Variants in NRXN3 observed in about 807,000 individuals in gnomAD.
The protein encoded by NRXN3 is neurexin III.
NRXN3 carries 32 observed loss-of-function variants against 137.6 expected under a neutral mutation model. The ratio of observed to expected loss-of-function variants is 0.23; its 90% CI spans 0.18 to 0.31. The LOEUF (loss-of-function observed/expected upper bound fraction) is 0.31. Ranked by LOEUF, NRXN3 falls within the 10% of genes least tolerant of loss-of-function variation. The pLI is 1.00. For missense variants in NRXN3, 1,574 were observed against 2,062.5 expected (o/e 0.76, Z 4.59); for synonymous variants, 798 against 784.5 (o/e 1.02, Z -0.29).
chr14:78,385,290 AACACAC>A (rs34246142), intron 4 of NRXN3, among the ~76,000 whole-genome samples: 35,877 of 147,222 alleles, frequency 0.24, 5,255 homozygotes, highest in Admixed American at 0.34. Context: ...AACTTTAAGC[AACACAC>A]ACACACACAC....
intron 6 of NRXN3, among the ~76,000 whole-genome samples, chr14:78,677,449 A>G (rs1344156766): frequency 6.6e-6 from 1 of 151,674 alleles, no homozygotes; most frequent in Non-Finnish European, 1.5e-5. Flanking sequence ...CCCTGGAAGG[A>G]GAGCTTAGGA....
chr14:78,684,383 C>T lies in NRXN3; in HGVS notation c.1222-24834C>T, dbSNP rs146514184. Among the ~76,000 whole-genome samples the T allele has an allele frequency of 7.9e-3, 1,209 of 152,270 alleles. 18 individuals carry two copies. Among genetic ancestry groups the T allele is most frequent in the African/African-American group, 0.027 (1,138 of 41,540 alleles). On this transcript the variant is annotated intron_variant, in intron 6 of 20. Coordinates refer to ENST00000335750, the MANE Select transcript of NRXN3 (RefSeq NM_001330195.2). ...GCTTTTAAACTACTCCTAAATTAGA[C>T]GCTTGAAAGCTCCAAAGCCAGGATT...
chr14:78,245,541 G>T (rs986405597), intron 2 of NRXN3, among the ~76,000 whole-genome samples: 4 of 152,142 alleles, frequency 2.6e-5, no homozygotes, highest in Non-Finnish European at 5.9e-5. Context: ...AAAGACTGCA[G>T]GTGTTCCTTA....
At chr14:78,374,446 T>G (rs978730612) in intron 4 of NRXN3, among the ~76,000 whole-genome samples, 3 of 152,214 alleles carry the variant, frequency 2.0e-5, no homozygotes, top group African/African-American at 7.2e-5. Context: ...ATATGTCATA[T>G]GACGGTTTAT....
intron 16 of NRXN3, among the ~76,000 whole-genome samples, chr14:79,614,892 T>C (rs2098139188): frequency 6.6e-6 from 1 of 152,198 alleles, no homozygotes; most frequent in Admixed American, 6.5e-5. Flanking sequence ...TATTGAAATA[T>C]TGTATCCACT....
intron 16 of NRXN3, among the ~76,000 whole-genome samples, chr14:79,605,782 G>T (rs759239934): frequency 6.6e-6 from 1 of 152,092 alleles, no homozygotes; most frequent in Non-Finnish European, 1.5e-5. Flanking sequence ...GAACCACTGC[G>T]CCTGGCCGAT....
chr14:79,279,601 T>TGC, intron 15 of NRXN3: 1 of 987,174 alleles, frequency 1.0e-6, no homozygotes, highest in Non-Finnish European at 1.2e-6. Context: ...TTCCTCTGGC[T>TGC]GCGGTGGCTG....
intron 8 of NRXN3, among the ~76,000 whole-genome samples, chr14:78,788,491 C>T (rs1178410193): frequency 6.6e-6 from 1 of 152,096 alleles, no homozygotes; most frequent in South Asian, 2.1e-4. Flanking sequence ...GTGAAAAATA[C>T]TCATGGAAGA....
At chr14:78,460,214 C>T (rs569523328) in intron 4 of NRXN3, among the ~76,000 whole-genome samples, 3 of 152,314 alleles carry the variant, frequency 2.0e-5, no homozygotes, top group Admixed American at 6.5e-5. Context: ...CCAGGAACCT[C>T]GACATGTCCA....
intron 16 of NRXN3, among the ~76,000 whole-genome samples, chr14:79,542,110 GATTAA>G (rs2097278925): frequency 6.6e-6 from 1 of 152,236 alleles, no homozygotes; most frequent in Non-Finnish European, 1.5e-5. Context: ...TCTGTGCATT[GATTAA>G]ATTAAGATGT....
chr14:78,335,256 C>G (rs2081324382), intron 4 of NRXN3, among the ~76,000 whole-genome samples: 1 of 152,210 alleles, frequency 6.6e-6, no homozygotes, highest in South Asian at 2.1e-4. Context: ...AAGGCTGTTG[C>G]ATTATTTTCC....
At chr14:78,207,212 G>C (rs570551735) in intron 1 of NRXN3, among the ~76,000 whole-genome samples, 2 of 152,052 alleles carry the variant, frequency 1.3e-5, no homozygotes, top group African/African-American at 4.8e-5. Context: ...CAGATCTACA[G>C]GGTGTGTTTG....
chr14:79,739,648 C>CAAAAAAA (rs72347811), intron 19 of NRXN3, among the ~76,000 whole-genome samples: 790 of 31,808 alleles, frequency 0.025, 123 homozygotes, highest in Middle Eastern at 0.11. Flanking sequence ...GACTCTGCCT[C>CAAAAAAA]AAAAAAAAAA....
At chr14:79,684,413 G>A (rs576648518) in intron 17 of NRXN3, among the ~76,000 whole-genome samples, 10 of 152,276 alleles carry the variant, frequency 6.6e-5, no homozygotes, top group African/African-American at 2.4e-4. Context: ...GTGGTGACTA[G>A]AACAGTGATT....
chr14:78,723,405 A>G (rs1480026766), intron 8 of NRXN3, among the ~76,000 whole-genome samples: 1 of 152,224 alleles, frequency 6.6e-6, no homozygotes, highest in Non-Finnish European at 1.5e-5. Context: ...AGAATAGCTG[A>G]AATTGAATTA....
At chr14:79,692,092 C>G in intron 17 of NRXN3, 81 bp from the exon 18 acceptor site, 1 of 1,109,632 alleles carries the variant, frequency 9.0e-7, no homozygotes, top group Non-Finnish European at 1.3e-6. Context: ...CTTCATAAAA[C>G]AAACCAAAAA....
chr14:79,511,118 C>T (rs571936180), intron 16 of NRXN3, among the ~76,000 whole-genome samples: 162 of 152,280 alleles, frequency 1.1e-3, no homozygotes, highest in African/African-American at 3.5e-3. Context: ...ACAGGAAAAA[C>T]GGACCCAGCT....
intron 4 of NRXN3, among the ~76,000 whole-genome samples, chr14:78,380,329 GAT>G (rs1567420945): frequency 2.7e-5 from 3 of 111,844 alleles, no homozygotes; most frequent in Admixed American, 8.6e-5. Context: ...AAAAAAAAAA[GAT>G]GTGTTTACAT....
At chr14:79,724,409 A>C (rs2098867280) in intron 19 of NRXN3, among the ~76,000 whole-genome samples, 1 of 152,088 alleles carries the variant, frequency 6.6e-6, no homozygotes, top group Non-Finnish European at 1.5e-5. Context: ...AATGATTTTC[A>C]AAGAGGGTGA....
Sources: allele counts gnomAD v4.1 joint callset (sites outside exome capture counted in the v4.1 genomes callset), GRCh38; gene constraint gnomAD v4.1.1; transcripts MANE v1.5; gene names NCBI Gene and HGNC (gene_info 2026-07-23, HGNC 2026-07-21).